WDR6: variants seen among roughly 807,000 people sequenced by gnomAD.
WDR6 encodes WD repeat domain 6, also known as tRNA (34-2'-O)-methyltransferase regulator WDR6.
In WDR6, 58 loss-of-function variants were observed where a neutral mutation model predicts 85.6. The observed-to-expected ratio is 0.68, with a 90% CI of 0.55 to 0.84. The LOEUF is 0.84. Among genes scored for constraint, WDR6 ranks in the 40% least tolerant of loss-of-function variants. WDR6 has a pLI of 0.00. For missense variants in WDR6, 1,310 were observed against 1,476.4 expected (o/e 0.89, Z 1.85); for synonymous variants, 569 against 582.2 (o/e 0.98, Z 0.33).
Position 49,012,247 on chromosome 3 carries a change from TG to T in WDR6, c.716del (p.Gly239AlafsTer29). 1.2e-6 allele frequency: 2 copies of T among 1,614,252 alleles called. No homozygotes were observed. The highest frequency in any genetic ancestry group is 1.3e-5 in the African/African-American group (1 of 75,068). On this transcript the variant is annotated frameshift_variant, in exon 2 of 6. Coordinates refer to ENST00000608424, the MANE Select transcript of WDR6 (RefSeq NM_018031.6). LOFTEE classifies it high-confidence loss of function. The surrounding 1 kb of genome is among the most constrained non-coding windows in gnomAD (Gnocchi z 4.4). ...GACCGAAGCGTTCGTATCTGGAAGG[TG>T]GGCGACCTGCGAGTGCCTGGGGGTC... ...SEDRSVRIWK[V>X]GDLRVPGGRV...
rs201978233 is a variant in WDR6, at chr3:49,014,677, C to T, written c.2861C>T (p.Ser954Phe). The T allele has an allele frequency of 2.5e-6, 4 of 1,613,572 alleles. No individual in the cohort carries two copies. Among genetic ancestry groups the T allele is most frequent in the Non-Finnish European group, 3.4e-6 (4 of 1,180,006 alleles). The change falls in exon 5 of 6, where the codon TCC becomes TTC. Residue 954 changes from serine to phenylalanine, a missense_variant. By Grantham distance (155) the Ser-to-Phe change is radical (BLOSUM62 -2). Coordinates refer to ENST00000608424, the MANE Select transcript of WDR6 (RefSeq NM_018031.6). The surrounding 1 kb of genome is among the most constrained non-coding windows in gnomAD (Gnocchi z 4.9). Reference sequence around the variant, plus strand: ...CTCACCACCATGCTAGACCATGACTCCACTGTCCTGGAGCCTCCAGTGGAT... The same window carrying T: ...CTCACCACCATGCTAGACCATGACTTCACTGTCCTGGAGCCTCCAGTGGAT... ...WDLTTMLDHD[S>F]TVLEPPVDPG...
chr3:49,010,969 C>T (rs1308322575), intron 1 of WDR6, among the ~76,000 whole-genome samples: 2 of 149,884 alleles, frequency 1.3e-5, no homozygotes, highest in African/African-American at 2.5e-5. Context: ...GTGAGCTGCA[C>T]GGTGCCACTG....
At position 49,014,602 on chromosome 3, in the gene WDR6, G is replaced by A; in HGVS notation, c.2786G>A (p.Arg929Lys). Residue 929 changes from arginine (R) to lysine (K), a missense_variant and splice_region_variant, in exon 5 of 6, where the codon AGG (arginine) becomes AAG (lysine). Transcript: ENST00000608424. This position sits in a 1 kb window ranked among gnomAD's most constrained non-coding sequence, Gnocchi z 4.9. ...GGCTGTCTTTTCCTGGCTCTCAGGAGGCTCCTCCTGTGCAGCGCAGCTACT... is the reference window on the plus strand; with the variant it reads ...GGCTGTCTTTTCCTGGCTCTCAGGAAGCTCCTCCTGTGCAGCGCAGCTACT... ...FTHEAPNQRR[R>K]LLLCSAATDG... is the part of the protein sequence containing the mutation. 6.2e-7 allele frequency: 1 copy of A among 1,613,582 alleles called. No individual in the cohort carries two copies. The highest frequency in any genetic ancestry group is 2.2e-5 in the East Asian group (1 of 44,876).
At position 49,007,714 on chromosome 3, in the gene WDR6, G is replaced by A; in HGVS notation, c.100+183G>A. The A allele has an allele frequency of 3.1e-6, 4 of 1,304,052 alleles. No homozygotes were observed. Among genetic ancestry groups the A allele is most frequent in the East Asian group, 3.0e-5 (1 of 33,766 alleles). The allele number at this position is 1,304,052 out of a possible 1,614,324, so 80.8% of individuals were successfully genotyped here. On this transcript the variant is annotated intron_variant, in intron 1 of 5. Transcript: ENST00000608424. The surrounding 1 kb of genome is among the most constrained non-coding windows in gnomAD (Gnocchi z 5.1). ...ACGAGGGCCAACCTGAAGAGGGCGGGGCCCGAGAGACAAAGCTGATGTGGC... is the reference window on the plus strand; with the variant it reads ...ACGAGGGCCAACCTGAAGAGGGCGGAGCCCGAGAGACAAAGCTGATGTGGC...
chr3:49,013,795 T>C lies in WDR6; in HGVS notation c.2261T>C (p.Val754Ala), dbSNP rs1444397786. The stretch of plus-strand genomic sequence containing the variant: ...TGTAGTGAGGACACTACTGTCTGTG[T>C]CCTAGCACTCCCTACAACCACAGGC... ...ITCSEDTTVCVLALPTTTGSA... is the reference protein window; with the variant it reads ...ITCSEDTTVCALALPTTTGSA... The change falls in exon 2 of 6, where the codon GTC becomes GCC. Residue 754 changes from valine to alanine, a missense_variant. By Grantham distance (64) the Val-to-Ala change is moderately conservative (BLOSUM62 0). Transcript: ENST00000608424. The surrounding 1 kb of genome is among the most constrained non-coding windows in gnomAD (Gnocchi z 4.6). The C allele has an allele frequency of 6.2e-7, 1 of 1,613,970 alleles. No homozygotes were observed. Among genetic ancestry groups the C allele is most frequent in the Admixed American group, 1.7e-5 (1 of 60,004 alleles).
At position 49,007,540 on chromosome 3, in the gene WDR6, T is replaced by C. The variant is rs763134819; in HGVS notation, c.100+9T>C. ...GGACCGGCTGTTGGCGGGTGAGGCT[T>C]GGCTTGAGGCACGCCTGGTGGAAAG... On this transcript the variant is annotated intron_variant, in intron 1 of 5. Coordinates refer to ENST00000608424, the MANE Select transcript of WDR6 (RefSeq NM_018031.6). This position sits in a 1 kb window ranked among gnomAD's most constrained non-coding sequence, Gnocchi z 5.1. The C allele has an allele frequency of 6.3e-7, 1 of 1,584,298 alleles. No homozygotes were observed. The highest frequency in any genetic ancestry group is 1.7e-5 in the Admixed American group (1 of 58,724).
chr3:49,010,907 C>G (rs995523918), intron 1 of WDR6, among the ~76,000 whole-genome samples: 2 of 147,150 alleles, frequency 1.4e-5, no homozygotes, highest in African/African-American at 5.0e-5. Flanking sequence ...ATTCCAGCTA[C>G]TTGGGAGGCT....
In WDR6 at chr3:49,014,069, C is replaced by A. The variant is rs761461898; in HGVS notation, c.2535C>A (p.Asp845Glu). The A allele has an allele frequency of 6.2e-7, 1 of 1,613,256 alleles. No homozygotes were observed. Among genetic ancestry groups the A allele is most frequent in the South Asian group, 1.1e-5 (1 of 91,088 alleles). ...LSSHRLDEYWDRQRNRHRMVK... is the reference protein window; with the variant it reads ...LSSHRLDEYWERQRNRHRMVK... ...CCCACCGGCTAGATGAGTATTGGGA[C>A]CGGCAACGCAATCGGCATCGGATGG... Residue 845 changes from aspartate to glutamate, a missense_variant, in exon 2 of 6, where the codon GAC (aspartate) becomes GAA (glutamate). By Grantham distance (45) the Asp-to-Glu change is conservative. Transcript: ENST00000608424. The surrounding 1 kb of genome is among the most constrained non-coding windows in gnomAD (Gnocchi z 4.9).
Position 49,015,435 on chromosome 3 carries a change from G to GGTGA in WDR6, c.*151_*154dup. On this transcript the variant is annotated 3_prime_UTR_variant, in exon 6 of 6. Coordinates refer to ENST00000608424, the MANE Select transcript of WDR6 (RefSeq NM_018031.6). ...TCCTGATGTCGGTGCAGGAGCTGAA[G>GGTGA]GTGAGTGGAGTGCTGCCAAGAATAT... The GGTGA allele has an allele frequency of 7.1e-7, 1 of 1,407,046 alleles. No homozygotes were observed. Among genetic ancestry groups the GGTGA allele is most frequent in the Non-Finnish European group, 9.8e-7 (1 of 1,023,602 alleles). The allele number at this position is 1,407,046 out of a possible 1,614,324, so 87.2% of individuals were successfully genotyped here. A position where few individuals can be genotyped will look rare whatever the true frequency, so the allele number is the denominator to read the frequency against.
chr3:49,013,167 A>G lies in WDR6; in HGVS notation c.1633A>G (p.Ser545Gly). Residue 545 changes from serine (S) to glycine (G), a missense_variant, in exon 2 of 6, where the codon AGT (serine) becomes GGT (glycine). Ser to Gly is a moderately conservative substitution (Grantham distance 56). Transcript: ENST00000608424. The surrounding 1 kb of genome is among the most constrained non-coding windows in gnomAD (Gnocchi z 4.6). The stretch of plus-strand genomic sequence containing the variant: ...TGGTGCTGGGGCACCTGTAGTGGGT[A>G]GTGGTAGTAGTGGGGGTGGGAATGC... ...RAGAGAPVVG[S>G]GSSGGGNAFT... 6.2e-7 allele frequency: 1 copy of G among 1,611,412 alleles called. No individual in the cohort carries two copies. The highest frequency in any genetic ancestry group is 8.5e-7 in the Non-Finnish European group (1 of 1,178,416).
In WDR6 at chr3:49,014,111, G is replaced by A. The variant is rs1404486542; in HGVS notation, c.2577G>A (p.Glu859=). ...ATCGGATGGTTAAGGTAGACCCAGA[G>A]ACCAGGTAATATATGCTCCTGGGCA... ...NRHRMVKVDP[E]TRYMSLAVCE... The change falls in exon 2 of 6, where the codon GAG becomes GAA. Residue 859 remains glutamate (E), a synonymous_variant. Coordinates refer to ENST00000608424, the MANE Select transcript of WDR6 (RefSeq NM_018031.6). This position sits in a 1 kb window ranked among gnomAD's most constrained non-coding sequence, Gnocchi z 4.9. The A allele has an allele frequency of 2.5e-6, 4 of 1,613,152 alleles. No homozygotes were observed. The highest frequency in any genetic ancestry group is 3.4e-6 in the Non-Finnish European group (4 of 1,179,336).
chr3:49,011,253 T>C (rs1559895327), intron 1 of WDR6: 55 of 396,894 alleles, frequency 1.4e-4, no homozygotes, highest in South Asian at 1.1e-3. Flanking sequence ...CCTGGCTAAT[T>C]TTTTAGTAGA....
chr3:49,007,443 C>T lies in WDR6; in HGVS notation c.12C>T (p.Leu4=). The change falls in exon 1 of 6, where the codon CTC becomes CTT. Residue 4 remains leucine (L), a synonymous_variant. Transcript: ENST00000608424. This position sits in a 1 kb window ranked among gnomAD's most constrained non-coding sequence, Gnocchi z 5.1. ...CCTCGAGGATCGACATGGACGCTCT[C>T]GAGGACTACGTTTGGCCGCGGGCAA... MDA[L]EDYVWPRATS... is the part of the protein sequence containing the mutation. The T allele has an allele frequency of 6.2e-7, 1 of 1,611,968 alleles. No homozygotes were observed. The highest frequency in any genetic ancestry group is 8.5e-7 in the Non-Finnish European group (1 of 1,179,120).
In WDR6 at chr3:49,014,803, T is replaced by C; in HGVS notation, c.2903-22T>C. On this transcript the variant is annotated intron_variant, in intron 5 of 5. Transcript: ENST00000608424. The surrounding 1 kb of genome is among the most constrained non-coding windows in gnomAD (Gnocchi z 4.9). Reference sequence around the variant, plus strand: ...ATGTGGCAGGCGGGGCCCTGACAACTACCCTCTTCCTCTTCCTTCAGGGCT... The same window carrying C: ...ATGTGGCAGGCGGGGCCCTGACAACCACCCTCTTCCTCTTCCTTCAGGGCT... The C allele has an allele frequency of 6.2e-7, 1 of 1,601,890 alleles. No individual in the cohort carries two copies. Among genetic ancestry groups the C allele is most frequent in the African/African-American group, 1.3e-5 (1 of 74,816 alleles).
intron 1 of WDR6, chr3:49,011,287 C>T: frequency 2.2e-6 from 1 of 453,770 alleles, no homozygotes; most frequent in Non-Finnish European, 3.8e-6. Context: ...CCTTGTTGGC[C>T]AGGCTAGTCC....
At chr3:49,011,025 A>AAC (rs977134003) in intron 1 of WDR6, 2 of 434,834 alleles carry the variant, frequency 4.6e-6, no homozygotes, top group Admixed American at 5.6e-5. Flanking sequence ...CAAAAAAAAA[A>AAC]AGAATGACTG....
In WDR6 at chr3:49,014,757, C is replaced by G. The variant is rs1253880708; in HGVS notation, c.2902+39C>G. 6.2e-7 allele frequency: 1 copy of G among 1,611,578 alleles called. No individual in the cohort carries two copies. The highest frequency in any genetic ancestry group is 8.5e-7 in the Non-Finnish European group (1 of 1,178,502). On this transcript the variant is annotated intron_variant, in intron 5 of 5. Coordinates refer to ENST00000608424, the MANE Select transcript of WDR6 (RefSeq NM_018031.6). The surrounding 1 kb of genome is among the most constrained non-coding windows in gnomAD (Gnocchi z 4.9). ...GTGCAACCATGGCTACCCCTCCTCACCTGTCACATAGCCCTCACACATGTG... is the reference window on the plus strand; with the variant it reads ...GTGCAACCATGGCTACCCCTCCTCAGCTGTCACATAGCCCTCACACATGTG...
chr3:49,015,077 A>C lies in WDR6; in HGVS notation c.3155A>C (p.Lys1052Thr), dbSNP rs147307672. The C allele has an allele frequency of 3.2e-4, 511 of 1,614,046 alleles. No individual in the cohort carries two copies. Among genetic ancestry groups the C allele is most frequent in the Non-Finnish European group, 4.0e-4 (467 of 1,180,038 alleles). The change falls in exon 6 of 6, where the codon AAG becomes ACG. Residue 1052 changes from lysine to threonine, a missense_variant. Physicochemically the swap from Lys to Thr is moderately conservative, Grantham distance 78. Coordinates refer to ENST00000608424, the MANE Select transcript of WDR6 (RefSeq NM_018031.6). ...CAHAAHVTGL[K>T]ILSPSIMVSA... ...CATGCTGCCCATGTGACAGGCCTCA[A>C]GATCCTAAGCCCAAGCATCATGGTC...
chr3:49,008,107 G>C (rs938050088), intron 1 of WDR6: 10 of 152,488 alleles, frequency 6.6e-5, no homozygotes, highest in African/African-American at 2.2e-4. Context: ...CGCGGAAAAC[G>C]GCGGATAAGA....
Sources: gnomAD v4.1 joint callset for allele counts (sites outside exome capture counted in the v4.1 genomes callset) on GRCh38, gnomAD v4.1.1 for gene constraint, Gnocchi (gnomAD v3.1) non-coding constraint, MANE v1.5 for transcripts, NCBI Gene and HGNC (gene_info 2026-07-23, HGNC 2026-07-21) for gene names.